The following RIC3 variants were observed in gnomAD, a reference collection of about 807,000 sequenced individuals.
RIC3 encodes the protein RIC3 acetylcholine receptor chaperone, also known as protein RIC-3.
RIC3 carries 28 observed loss-of-function variants against 27.3 expected under a neutral mutation model. That is an observed-to-expected ratio of 1.02 (90% confidence interval 0.76 to 1.41). The LOEUF (loss-of-function observed/expected upper bound fraction) is 1.41, where lower values mean the gene tolerates loss of function less well. RIC3 is among the 40% of genes most tolerant of loss of function. The probability of loss-of-function intolerance (pLI) is 0.00; values close to 1 mark genes in which losing one functional copy is unlikely to be tolerated. For synonymous variants in RIC3, 184 were observed against 160.4 expected, an observed-to-expected ratio of 1.15 and a Z score of -1.11; for missense variants, 501 against 444.7, an observed-to-expected ratio of 1.13 and a Z score of -1.14.
intron 2 of RIC3, 139 bp downstream of exon 2, chr11:8,139,828 A>G: frequency 5.5e-6 from 4 of 730,726 alleles, no homozygotes; most frequent in Non-Finnish European, 8.8e-6. Flanking sequence ...TAAGTACCTC[A>G]TGAAGAGGAG....
intron 1 of RIC3, among the ~76,000 whole-genome samples, chr11:8,161,811 G>C (rs2134290978): frequency 6.6e-6 from 1 of 152,220 alleles, no homozygotes; most frequent in South Asian, 2.1e-4. Context: ...TTCCAGGCCA[G>C]CTCTACACAC....
At chr11:8,097,834 C>T in the RIC3 span, 1 of 1,604,966 alleles carries the variant, frequency 6.2e-7, no homozygotes, top group South Asian at 1.1e-5. Flanking sequence ...GCGGTACTAG[C>T]ATTCCCCCAG....
intron 5 of RIC3, among the ~76,000 whole-genome samples, chr11:8,124,993 C>T (rs1590140832): frequency 1.3e-5 from 2 of 152,120 alleles, no homozygotes; most frequent in South Asian, 2.1e-4. Flanking sequence ...GCGGCTCACA[C>T]CTGTAATCCC....
intron 4 of RIC3, among the ~76,000 whole-genome samples, chr11:8,135,011 T>A (rs969597728): frequency 1.1e-4 from 16 of 152,324 alleles, no homozygotes; most frequent in African/African-American, 3.6e-4. Context: ...ATCCCATTTG[T>A]CAATTTTGGT....
chr11:8,121,587 A>T (rs1253544482), intron 5 of RIC3, among the ~76,000 whole-genome samples: 1 of 152,064 alleles, frequency 6.6e-6, no homozygotes, highest in Non-Finnish European at 1.5e-5. Context: ...ATGGTGGCAC[A>T]TGACTGTAGT....
chr11:8,152,377 T>C (rs1021885417), intron 1 of RIC3, among the ~76,000 whole-genome samples: 5 of 152,226 alleles, frequency 3.3e-5, no homozygotes, highest in African/African-American at 1.2e-4. Context: ...AACACAGTAT[T>C]ATCCAGCCAT....
the RIC3 span, chr11:8,096,594 A>C: frequency 1.1e-5 from 9 of 847,866 alleles, no homozygotes; most frequent in Non-Finnish European, 1.8e-5. Flanking sequence ...CAGGTGAGTC[A>C]GTGTCTGAAC....
rs564378033 is a variant in RIC3, at chr11:8,162,070, G to A, written c.124+6796C>T. Among the ~76,000 whole-genome samples the A allele has an allele frequency of 3.3e-5, 5 of 151,834 alleles. No individual in the cohort carries two copies. In the South Asian group the frequency reaches 1.0e-3, roughly 32 times the overall value. On this transcript the variant is annotated intron_variant, in intron 1 of 5. Transcript: ENST00000309737. The stretch of plus-strand genomic sequence containing the variant: ...TTCTCCGGGCAATGGAATGTGAGGA[G>A]GTAATGTCCGAAACTGTTGCAACCA...
intron 3 of RIC3, 144 bp downstream of exon 3, chr11:8,138,128 C>A: frequency 1.7e-6 from 1 of 572,964 alleles, no homozygotes; most frequent in East Asian, 2.9e-5. Context: ...TTGAGAATTC[C>A]CAGAACTAAG....
At chr11:8,155,245 CTTAAG>C (rs948950005) in intron 1 of RIC3, among the ~76,000 whole-genome samples, 36 of 148,680 alleles carry the variant, frequency 2.4e-4, no homozygotes, top group African/African-American at 5.5e-4. Context: ...AAAAAATTCA[CTTAAG>C]TTATCATTTA....
At chr11:8,124,083 GAAAGAAAAAGAA>G (rs772490523) in intron 5 of RIC3, among the ~76,000 whole-genome samples, 1 of 147,974 alleles carries the variant, frequency 6.8e-6, no homozygotes, top group Non-Finnish European at 1.5e-5. Context: ...AAGAAAGAAA[GAAAGAAAAAGAA>G]AAAGAAAAAG....
intron 4 of RIC3, among the ~76,000 whole-genome samples, chr11:8,134,779 C>T (rs532463189): frequency 6.6e-6 from 1 of 152,270 alleles, no homozygotes; most frequent in Non-Finnish European, 1.5e-5. Context: ...TGTCTTTTGG[C>T]TGCATAAATG....
chr11:8,098,712 G>C, the RIC3 span: 1 of 1,426,730 alleles, frequency 7.0e-7, no homozygotes, highest in African/African-American at 1.4e-5. Flanking sequence ...TCCCTGCTCT[G>C]GGGCAGAGGG....
At chr11:8,127,547 G>C (rs770371645) in intron 4 of RIC3, among the ~76,000 whole-genome samples, 2 of 152,170 alleles carry the variant, frequency 1.3e-5, no homozygotes, top group Admixed American at 6.5e-5. Context: ...TGTGGTTCTG[G>C]CAAATATCTG....
intron 4 of RIC3, among the ~76,000 whole-genome samples, chr11:8,132,731 G>C (rs904299439): frequency 6.6e-6 from 1 of 152,088 alleles, no homozygotes; most frequent in Non-Finnish European, 1.5e-5. Flanking sequence ...TGCAGTTATG[G>C]AATATTATAT....
At chr11:8,104,896 CAAGT>C (rs1486824502), downstream of RIC3, 2 of 148,092 alleles carry the variant, frequency 1.4e-5, no homozygotes, top group African/African-American at 4.9e-5. Context: ...CCTTCAGTGA[CAAGT>C]AGGGCACAAA....
the RIC3 span, chr11:8,100,439 C>T: frequency 4.6e-6 from 6 of 1,302,058 alleles, no homozygotes; most frequent in South Asian, 3.7e-5. Context: ...ATTCCCGTCC[C>T]CCCCACCTTC....
At chr11:8,127,613 G>C (rs775699409) in intron 4 of RIC3, among the ~76,000 whole-genome samples, 31 of 152,172 alleles carry the variant, frequency 2.0e-4, no homozygotes, top group Non-Finnish European at 4.0e-4. Flanking sequence ...CTAGAGGAAA[G>C]CACTGCATCA....
At chr11:8,126,484 G>A (rs1230351625) in intron 5 of RIC3, among the ~76,000 whole-genome samples, 175 bp downstream of exon 5, 1 of 152,208 alleles carries the variant, frequency 6.6e-6, no homozygotes, top group Admixed American at 6.5e-5. Flanking sequence ...TCAAAATTAC[G>A]GTGTGATTAC....
Sources: allele counts gnomAD v4.1 joint callset (sites outside exome capture counted in the v4.1 genomes callset), GRCh38; gene constraint gnomAD v4.1.1; transcripts MANE v1.5; gene names NCBI Gene and HGNC (gene_info 2026-07-23, HGNC 2026-07-21).